Variants in ADAMTS6 observed in about 807,000 individuals in gnomAD.
The protein encoded by ADAMTS6 is ADAM metallopeptidase with thrombospondin type 1 motif 6.
In ADAMTS6, 23 loss-of-function variants were observed where a neutral mutation model predicts 144.3. The observed-to-expected ratio is 0.16, with a 90% CI of 0.11 to 0.23. ADAMTS6 has a LOEUF of 0.23. Ranked by LOEUF, ADAMTS6 falls within the 10% of genes least tolerant of loss-of-function variation. The pLI is 1.00. For synonymous variants in ADAMTS6, 444 were observed against 457.5 expected, an observed-to-expected ratio of 0.97 and a Z score of 0.38; for missense variants, 999 against 1,379.6, an observed-to-expected ratio of 0.72 and a Z score of 4.37.
chr5:65,385,597 T>G (rs943465725), intron 7 of ADAMTS6, among the ~76,000 whole-genome samples: 3 of 152,196 alleles, frequency 2.0e-5, no homozygotes, highest in Admixed American at 2.0e-4. Context: ...TTTTATTTAT[T>G]GTTATATTTT....
chr5:65,193,559 A>T (rs559666808), intron 21 of ADAMTS6, among the ~76,000 whole-genome samples: 11 of 152,176 alleles, frequency 7.2e-5, no homozygotes, highest in Admixed American at 5.9e-4. Flanking sequence ...ATAATGAAAG[A>T]TTATTTTTAA....
At chr5:65,360,128 A>T (rs189959929) in intron 7 of ADAMTS6, among the ~76,000 whole-genome samples, 62 of 152,294 alleles carry the variant, frequency 4.1e-4, no homozygotes, top group African/African-American at 1.5e-3. Context: ...TAGGAACATG[A>T]TGCTGGCCAT....
intron 22 of ADAMTS6, among the ~76,000 whole-genome samples, chr5:65,176,205 A>G (rs773383376): frequency 5.9e-5 from 9 of 152,212 alleles, no homozygotes; most frequent in Admixed American, 1.3e-4. Context: ...TTATTTAAAG[A>G]AATAAATGTT....
chr5:65,352,527 T>A (rs927259399), intron 7 of ADAMTS6, among the ~76,000 whole-genome samples: 1 of 151,956 alleles, frequency 6.6e-6, no homozygotes, highest in Admixed American at 6.6e-5. Flanking sequence ...TAAAAAAAAA[T>A]TTTAACAAAG....
At position 65,170,606 on chromosome 5, in the gene ADAMTS6, G is replaced by T; in HGVS notation, c.3244+11C>A. On this transcript the variant is annotated intron_variant, in intron 24 of 24. Coordinates refer to ENST00000381055, the MANE Select transcript of ADAMTS6 (RefSeq NM_197941.4). ...TAGAAACCACAGGCCCCTCCTCCAT[G>T]GAAAACTCACCTTCAGTATTAGAAA... 6.2e-7 allele frequency: 1 copy of T among 1,613,498 alleles called. No homozygotes were observed. Among genetic ancestry groups the T allele is most frequent in the East Asian group, 2.2e-5 (1 of 44,880 alleles).
At chr5:65,478,281 A>G (rs1760975726) in intron 1 of ADAMTS6, among the ~76,000 whole-genome samples, 1 of 152,232 alleles carries the variant, frequency 6.6e-6, no homozygotes, top group Non-Finnish European at 1.5e-5. Flanking sequence ...ATAAATATGT[A>G]GAGGCTGTGA....
intron 3 of ADAMTS6, among the ~76,000 whole-genome samples, chr5:65,461,453 T>G (rs1443396916): frequency 6.6e-6 from 1 of 152,198 alleles, no homozygotes; most frequent in East Asian, 1.9e-4. Flanking sequence ...TGATGAAAAA[T>G]GAGATGGTAA....
In ADAMTS6 at chr5:65,329,410, T is replaced by C. The variant is rs1441116429; in HGVS notation, c.1191A>G (p.Ser397=). The change falls in exon 9 of 25, where the codon TCA becomes TCG. Residue 397 remains serine (S), a synonymous_variant. Transcript: ENST00000381055. ...CSINEDIGLG[S]AFTIAHEIGH... is the part of the protein sequence containing the mutation. Reference sequence around the variant, plus strand: ...CAATCTCATGTGCAATGGTAAAAGCTGAACCCAGGCCAATGTCTTCATTAA... The same window carrying C: ...CAATCTCATGTGCAATGGTAAAAGCCGAACCCAGGCCAATGTCTTCATTAA... 1.9e-6 allele frequency: 3 copies of C among 1,612,852 alleles called. No homozygotes were observed. Among genetic ancestry groups the C allele is most frequent in the Middle Eastern group, 1.6e-4 (1 of 6,076 alleles).
intron 7 of ADAMTS6, among the ~76,000 whole-genome samples, chr5:65,375,564 C>T (rs561854690): frequency 1.3e-5 from 2 of 152,062 alleles, no homozygotes; most frequent in African/African-American, 4.8e-5. Flanking sequence ...CAATGAGATA[C>T]CATCTCACAT....
chr5:65,473,512 G>A, intron 2 of ADAMTS6, 65 bp downstream of exon 2: 1 of 1,393,492 alleles, frequency 7.2e-7, no homozygotes, highest in Non-Finnish European at 1.0e-6. Context: ...AACTAAATAT[G>A]CAGAATCTTT....
At chr5:65,227,865 G>A (rs1396701022) in intron 15 of ADAMTS6, among the ~76,000 whole-genome samples, 1 of 152,032 alleles carries the variant, frequency 6.6e-6, no homozygotes, top group African/African-American at 2.4e-5. Flanking sequence ...TACTGTGGGA[G>A]GCTAAAATAT....
intron 21 of ADAMTS6, among the ~76,000 whole-genome samples, chr5:65,195,516 A>C (rs1439522070): frequency 6.6e-6 from 1 of 152,218 alleles, no homozygotes; most frequent in East Asian, 1.9e-4. Context: ...CACCTTTAAG[A>C]TTCAAATGTT....
At chr5:65,410,665 G>C (rs1177648068) in intron 7 of ADAMTS6, among the ~76,000 whole-genome samples, 1 of 152,024 alleles carries the variant, frequency 6.6e-6, no homozygotes, top group Admixed American at 6.6e-5. Flanking sequence ...TGTGTCCTAT[G>C]ATCAACATCT....
chr5:65,398,959 T>C (rs952628741), intron 7 of ADAMTS6, among the ~76,000 whole-genome samples: 1 of 152,002 alleles, frequency 6.6e-6, no homozygotes, highest in Non-Finnish European at 1.5e-5. Context: ...TGTCTTTATA[T>C]TTAAAGTGGA....
intron 15 of ADAMTS6, among the ~76,000 whole-genome samples, chr5:65,229,398 G>GA (rs1561303653): frequency 6.6e-6 from 1 of 151,986 alleles, no homozygotes; most frequent in Non-Finnish European, 1.5e-5. Context: ...GAAACCAGAA[G>GA]AAAAATCAAG....
intron 7 of ADAMTS6, among the ~76,000 whole-genome samples, chr5:65,351,493 G>C (rs1176670848): frequency 3.3e-5 from 5 of 152,166 alleles, no homozygotes; most frequent in Non-Finnish European, 7.3e-5. Flanking sequence ...GGGTTACCTT[G>C]GTCTACTAGG....
At chr5:65,476,946 T>C (rs1760883257) in intron 1 of ADAMTS6, among the ~76,000 whole-genome samples, 1 of 152,214 alleles carries the variant, frequency 6.6e-6, no homozygotes, top group South Asian at 2.1e-4. Context: ...TTAGTTAATG[T>C]GAATAGTTTT....
chr5:65,265,256 T>A (rs892804224), intron 12 of ADAMTS6, among the ~76,000 whole-genome samples: 9 of 152,214 alleles, frequency 5.9e-5, no homozygotes, highest in Non-Finnish European at 1.2e-4. Flanking sequence ...TTCAGAATGA[T>A]GAAGAAGAGG....
chr5:65,381,542 T>C (rs866877588), intron 7 of ADAMTS6, among the ~76,000 whole-genome samples: 2 of 130,384 alleles, frequency 1.5e-5, no homozygotes, highest in Admixed American at 1.4e-4. Flanking sequence ...TTTTTTTTTT[T>C]TTTTTTTTTT....
Sources: gnomAD v4.1 joint callset for allele counts (sites outside exome capture counted in the v4.1 genomes callset) on GRCh38, gnomAD v4.1.1 for gene constraint, MANE v1.5 for transcripts, NCBI Gene and HGNC (gene_info 2026-07-23, HGNC 2026-07-21) for gene names.